RSL1D1: variants seen among roughly 807,000 people sequenced by gnomAD.
RSL1D1 encodes the protein ribosomal L1 domain-containing protein 1.
In RSL1D1, 34 loss-of-function variants were observed where a neutral mutation model predicts 44.6. The ratio of observed to expected loss-of-function variants is 0.76; its 90% CI spans 0.58 to 1.02. RSL1D1 has a LOEUF of 1.02. RSL1D1 is among the 50% of genes least tolerant of loss of function. The pLI, the probability that RSL1D1 is intolerant of heterozygous loss-of-function variation, is 0.00. For synonymous variants in RSL1D1, 271 were observed against 207.4 expected (o/e 1.31, Z -2.63); for missense variants, 767 against 568.1 (o/e 1.35, Z -3.56).
chr16:11,835,088 A>T lies in RSL1D1; in HGVS notation c.*2699T>A, dbSNP rs952849061. On this transcript the variant is annotated 3_prime_UTR_variant, in exon 9 of 9. Coordinates refer to ENST00000571133, the MANE Select transcript of RSL1D1 (RefSeq NM_015659.3). ...ACACTAGTGCACTCCAGCCTGGGGA[A>T]CAGAGTAAGACCATCTCCCCCACTG... is the stretch of plus-strand genomic sequence containing the variant. The T allele has an allele frequency of 1.3e-5, 2 of 152,194 alleles. No individual in the cohort carries two copies. Among genetic ancestry groups the T allele is most frequent in the African/African-American group, 4.8e-5 (2 of 41,434 alleles). 9.4% of individuals were successfully genotyped at this position (152,194 alleles called of 1,614,324 possible).
rs139093183 is a variant in RSL1D1 at position 11,836,446 on chromosome 16, G to C, written c.*1341C>G. The C allele has an allele frequency of 6.6e-6, 1 of 152,112 alleles. No homozygotes were observed. Among genetic ancestry groups the C allele is most frequent in the African/African-American group, 2.4e-5 (1 of 41,426 alleles). 9.4% of individuals were successfully genotyped at this position (152,112 alleles called of 1,614,324 possible). A position where few individuals can be genotyped will look rare whatever the true frequency, so the allele number is the denominator to read the frequency against. ...AGTGAATCTGTGAACTTACTACTAC[G>C]GATGCATACCAATTCACAACCAGTG... On this transcript the variant is annotated 3_prime_UTR_variant, in exon 9 of 9. Transcript: ENST00000571133.
intron 5 of RSL1D1, among the ~76,000 whole-genome samples, chr16:11,845,824 T>G (rs900353300): frequency 5.9e-5 from 9 of 151,904 alleles, no homozygotes; most frequent in Non-Finnish European, 1.2e-4. Context: ...TAGGCTCAAG[T>G]GATCCTCCTG....
chr16:11,850,814 C>T (rs1398971076), intron 1 of RSL1D1, among the ~76,000 whole-genome samples: 2 of 152,184 alleles, frequency 1.3e-5, no homozygotes, highest in African/African-American at 4.8e-5. Flanking sequence ...CTCAGCTTCC[C>T]GAGTAGCTGA....
chr16:11,845,611 G>A (rs780752602), intron 5 of RSL1D1, among the ~76,000 whole-genome samples: 11 of 152,116 alleles, frequency 7.2e-5, no homozygotes, highest in Non-Finnish European at 1.5e-4. Flanking sequence ...CACATTTCAA[G>A]TGCTCAATAG....
rs755416530 is a variant in RSL1D1 at position 11,847,724 on chromosome 16, T to A, written c.328A>T (p.Thr110Ser). The A allele has an allele frequency of 1.9e-6, 3 of 1,613,438 alleles. No homozygotes were observed. The highest frequency in any genetic ancestry group is 2.5e-6 in the Non-Finnish European group (3 of 1,179,432). The change falls in exon 3 of 9, where the codon ACA becomes TCA. Residue 110 changes from threonine (T) to serine (S), a missense_variant. Physicochemically the swap from Thr to Ser is moderately conservative, Grantham distance 58. Transcript: ENST00000571133. ...AAAAGCTTTCTATAAAACTGTTCTG[T>A]CTTTTCAGGAGTTGAATTGGGTTCA... The part of the protein sequence containing the change: ...KDEPNSTPEK[T>S]EQFYRKLLNK...
At chr16:11,846,130 C>T (rs774202063) in intron 5 of RSL1D1, among the ~76,000 whole-genome samples, 9 of 151,604 alleles carry the variant, frequency 5.9e-5, no homozygotes, top group Non-Finnish European at 1.2e-4. Flanking sequence ...CAGTGGCTCA[C>T]GCCTGTAATC....
Position 11,837,628 on chromosome 16 carries a change from G to A in RSL1D1, c.*159C>T. On this transcript the variant is annotated 3_prime_UTR_variant, in exon 9 of 9. Transcript: ENST00000571133. ...GCCTCCCAAAGTGCTGGGATTACAG[G>A]CGTGAGCCACCGCCCCTGGACTACT... 1.5e-6 allele frequency: 1 copy of A among 653,278 alleles called. No individual in the cohort carries two copies. The highest frequency in any genetic ancestry group is 2.1e-5 in the South Asian group (1 of 47,420). 40.5% of individuals were successfully genotyped at this position (653,278 alleles called of 1,614,324 possible). A position where few individuals can be genotyped will look rare whatever the true frequency, so the allele number is the denominator to read the frequency against.
Position 11,835,382 on chromosome 16 carries a change from A to T in RSL1D1, c.*2405T>A, listed in dbSNP as rs1458124284. On this transcript the variant is annotated 3_prime_UTR_variant, in exon 9 of 9. Transcript: ENST00000571133. ...TTTTTAGTAGAGATGGGGTTTCACCATGTAAGCCAGGCTGGTCTCAGAACT... is the reference window on the plus strand; with the variant it reads ...TTTTTAGTAGAGATGGGGTTTCACCTTGTAAGCCAGGCTGGTCTCAGAACT... The T allele has an allele frequency of 6.6e-6, 1 of 151,776 alleles. No individual in the cohort carries two copies. Among genetic ancestry groups the T allele is most frequent in the South Asian group, 2.1e-4 (1 of 4,738 alleles). 9.4% of individuals were successfully genotyped at this position (151,776 alleles called of 1,614,324 possible).
In RSL1D1 at chr16:11,841,025, T is replaced by C. The variant is rs75445019; in HGVS notation, c.855+670A>G. On this transcript the variant is annotated intron_variant, in intron 7 of 8. Coordinates refer to ENST00000571133, the MANE Select transcript of RSL1D1 (RefSeq NM_015659.3). Reference sequence around the variant, plus strand: ...CTCACATTTATTTCAATGTTTAATATTTTAAATGTTTTGGTCTTTATTTAG... The same window carrying C: ...CTCACATTTATTTCAATGTTTAATACTTTAAATGTTTTGGTCTTTATTTAG... 9.2e-3 allele frequency among the ~76,000 whole-genome samples: 1,407 copies of C among 152,318 alleles called. 16 individuals carry two copies. Among genetic ancestry groups the C allele is most frequent in the African/African-American group, 0.032 (1,336 of 41,564 alleles).
In RSL1D1 at chr16:11,837,928, A is replaced by G. The variant is rs1567417032; in HGVS notation, c.1332T>C (p.Pro444=). Residue 444 remains proline (P), a synonymous_variant, in exon 9 of 9, where the codon CCT becomes CCC. Transcript: ENST00000571133. ...IKEEAVKEKS[P]SLGKKDARQT... ...GTCTCGCATCTTTTTTCCCCAGCGA[A>G]GGACTTTTTTCCTTCACTGCCTCTT... The G allele has an allele frequency of 3.1e-6, 5 of 1,614,010 alleles. No homozygotes were observed. The highest frequency in any genetic ancestry group is 4.2e-6 in the Non-Finnish European group (5 of 1,180,016).
intron 7 of RSL1D1, among the ~76,000 whole-genome samples, chr16:11,840,330 C>G (rs1483143604): frequency 2.0e-5 from 3 of 151,578 alleles, no homozygotes; most frequent in Non-Finnish European, 4.4e-5. Context: ...CTCAGGGAGG[C>G]TGAGGCAGGA....
chr16:11,841,004 CATTT>C (rs1248115295), intron 7 of RSL1D1, among the ~76,000 whole-genome samples: 2 of 152,140 alleles, frequency 1.3e-5, no homozygotes, highest in African/African-American at 4.8e-5. Context: ...ATATAGCTCA[CATTT>C]ATTTCAATGT....
At chr16:11,842,313 A>G (rs1475633417) in intron 5 of RSL1D1, among the ~76,000 whole-genome samples, 1 of 152,078 alleles carries the variant, frequency 6.6e-6, no homozygotes, top group Non-Finnish European at 1.5e-5. Context: ...CCTGGGTAAC[A>G]GGGAAAAACA....
At chr16:11,845,960 T>G (rs1254222087) in intron 5 of RSL1D1, among the ~76,000 whole-genome samples, 1 of 151,942 alleles carries the variant, frequency 6.6e-6, no homozygotes, top group Non-Finnish European at 1.5e-5. Flanking sequence ...CTTGCACTCC[T>G]GGGCTCAAGC....
chr16:11,839,094 G>A (rs1316237723), intron 8 of RSL1D1, among the ~76,000 whole-genome samples: 3 of 152,056 alleles, frequency 2.0e-5, no homozygotes, highest in South Asian at 4.1e-4. Flanking sequence ...GGCTGAGTGC[G>A]GTGGTTCATG....
rs1555501001 is a variant in RSL1D1 at position 11,838,872 on chromosome 16, A to AAC, written c.1147-760_1147-759insGT. Among the ~76,000 whole-genome samples, 5 of 151,454 alleles carry AAC rather than the reference A, an allele frequency of 3.3e-5. 1 individual carries two copies. Among genetic ancestry groups the AAC allele is most frequent in the African/African-American group, 9.7e-5 (4 of 41,200 alleles). On this transcript the variant is annotated intron_variant, in intron 8 of 8. Coordinates refer to ENST00000571133, the MANE Select transcript of RSL1D1 (RefSeq NM_015659.3). ...ACCTTGTCTCAAAAAAAAAAAACAA[A>AAC]AAAAAACTGTGAAGACCCAGAGGTC... is the stretch of plus-strand genomic sequence containing the variant.
intron 3 of RSL1D1, 112 bp downstream of exon 3, chr16:11,847,554 TAA>T (rs1180087818): frequency 2.2e-5 from 21 of 943,658 alleles, no homozygotes; most frequent in Non-Finnish European, 3.4e-5. Flanking sequence ...CAAATTAAAT[TAA>T]AAAGAGAAAA....
At chr16:11,842,305 T>A (rs775330001) in intron 5 of RSL1D1, among the ~76,000 whole-genome samples, 5 of 150,750 alleles carry the variant, frequency 3.3e-5, no homozygotes, top group Non-Finnish European at 5.9e-5. Flanking sequence ...CACTCCAGCC[T>A]GGGTAACAGG....
rs756641418 is a variant in RSL1D1 at position 11,835,949 on chromosome 16, G to A, written c.*1838C>T. 3.3e-5 allele frequency: 5 copies of A among 152,140 alleles called. No homozygotes were observed. The highest frequency in any genetic ancestry group is 1.9e-4 in the East Asian group (1 of 5,192). 9.4% of individuals were successfully genotyped at this position (152,140 alleles called of 1,614,324 possible). A position where few individuals can be genotyped will look rare whatever the true frequency, so the allele number is the denominator to read the frequency against. On this transcript the variant is annotated 3_prime_UTR_variant, in exon 9 of 9. Coordinates refer to ENST00000571133, the MANE Select transcript of RSL1D1 (RefSeq NM_015659.3). Reference sequence around the variant, plus strand: ...CTAAGCCCAGGGCATAAAATCCCTCGTGGCTTGGATAAAATCCAGGGCCTG... The same window carrying A: ...CTAAGCCCAGGGCATAAAATCCCTCATGGCTTGGATAAAATCCAGGGCCTG...
Sources: allele counts gnomAD v4.1 joint callset (sites outside exome capture counted in the v4.1 genomes callset), GRCh38; gene constraint gnomAD v4.1.1; transcripts MANE v1.5; gene names NCBI Gene and HGNC (gene_info 2026-07-23, HGNC 2026-07-21).